NIPBL: variants seen among roughly 807,000 people sequenced by gnomAD.
The protein encoded by NIPBL is nipped-B-like protein.
Under a neutral mutation model 321.8 loss-of-function variants are expected in NIPBL, and 19 were observed. That is an observed-to-expected ratio of 0.06 (90% CI 0.04 to 0.09). The LOEUF (loss-of-function observed/expected upper bound fraction) is 0.09, where lower values mean the gene tolerates loss of function less well. Ranked by LOEUF, NIPBL falls within the 10% of genes least tolerant of loss-of-function variation. The pLI is 1.00. For missense variants in NIPBL, 2,210 were observed against 3,327.0 expected (o/e 0.66, Z 8.26); for synonymous variants, 1,106 against 1,114.1 (o/e 0.99, Z 0.14).
intron 1 of NIPBL, among the ~76,000 whole-genome samples, chr5:36,883,558 A>AATAC (rs66497943): frequency 3.0e-5 from 1 of 32,852 alleles, no homozygotes; most frequent in African/African-American, 7.0e-4. Context: ...CTAAAACACT[A>AATAC]ATTATTAAAT....
rs1386439288 is a variant in NIPBL at position 37,000,477 on chromosome 5, GGAA to G, written c.3414_3416del (p.Arg1139del). 1 of 1,613,340 alleles carries G rather than the reference GGAA, an allele frequency of 6.2e-7. No homozygotes were observed. Among genetic ancestry groups the G allele is most frequent in the African/African-American group, 1.3e-5 (1 of 74,880 alleles). On this transcript the variant is annotated inframe_deletion, in exon 12 of 47. Transcript: ENST00000282516. Reference sequence around the variant, plus strand: ...TAGGAGAAGTGGCCACTCTCATGAAGGAAGAAGGAGTTCAGGTGGTGGTCGTTA... The same window carrying G: ...TAGGAGAAGTGGCCACTCTCATGAAGGAAGGAGTTCAGGTGGTGGTCGTTA...
intron 14 of NIPBL, among the ~76,000 whole-genome samples, chr5:37,001,676 G>T: frequency 6.6e-6 from 1 of 151,952 alleles, no homozygotes; most frequent in East Asian, 1.9e-4. Context: ...CCAAACACCT[G>T]GCTTTAGGGA....
In NIPBL at chr5:36,986,308, A is replaced by C; in HGVS notation, c.3121+7A>C. 6.8e-7 allele frequency: 1 copy of C among 1,476,192 alleles called. No homozygotes were observed. Among genetic ancestry groups the C allele is most frequent in the South Asian group, 1.4e-5 (1 of 70,454 alleles). 91.4% of individuals were successfully genotyped at this position (1,476,192 alleles called of 1,614,324 possible). A position where few individuals can be genotyped will look rare whatever the true frequency, so the allele number is the denominator to read the frequency against. On this transcript the variant is annotated splice_region_variant and intron_variant, in intron 10 of 46. Transcript: ENST00000282516. ...CCATCAAAGTCAAATAAAGGTAAGA[A>C]TACTTCTACTGATGTCATTTATAAT...
chr5:36,985,207 A>G lies in NIPBL; in HGVS notation c.2027A>G (p.Asn676Ser), dbSNP rs1392351504. 2 of 1,613,948 alleles carry G rather than the reference A, an allele frequency of 1.2e-6. No individual in the cohort carries two copies. Among genetic ancestry groups the G allele is most frequent in the African/African-American group, 1.3e-5 (1 of 75,036 alleles). ...STIVEPKQNE[N>S]RLSDTKPNDN... ...ATAGTTGAGCCTAAACAAAATGAAA[A>G]TAGACTGTCTGACACAAAACCAAAT... Residue 676 changes from asparagine (N) to serine (S), a missense_variant, in exon 10 of 47, where the codon AAT (asparagine) becomes AGT (serine). Asn to Ser is a conservative substitution (Grantham distance 46, BLOSUM62 1). Around this residue, in one of 14 missense-constraint regions of NIPBL, gnomAD observed 588 missense variants for 564.1 expected, o/e 1.04. Transcript: ENST00000282516.
intron 40 of NIPBL, chr5:37,051,154 G>A (rs1023580565): frequency 1.4e-4 from 22 of 152,466 alleles, no homozygotes; most frequent in African/African-American, 5.1e-4. Flanking sequence ...CCTGATTCGA[G>A]ATTTAACATG....
At chr5:36,918,481 T>A (rs2149554601) in intron 1 of NIPBL, among the ~76,000 whole-genome samples, 1 of 152,260 alleles carries the variant, frequency 6.6e-6, no homozygotes, top group South Asian at 2.1e-4. Context: ...CAGGGACAAT[T>A]TGACTTCCTC....
rs965707243 is a variant in NIPBL at position 36,984,572 on chromosome 5, T to C, written c.1496-104T>C. Reference sequence around the variant, plus strand: ...ATATTTGCATTTGCATTTTACTCCATTTTAAAAACATAACCTTAAAAAGAT... The same window carrying C: ...ATATTTGCATTTGCATTTTACTCCACTTTAAAAACATAACCTTAAAAAGAT... On this transcript the variant is annotated intron_variant, in intron 9 of 46. Coordinates refer to ENST00000282516, the MANE Select transcript of NIPBL (RefSeq NM_133433.4). 4 of 1,051,868 alleles carry C rather than the reference T, an allele frequency of 3.8e-6. No individual in the cohort carries two copies. The African/African-American group carries it at 6.5e-5, about 17-fold the overall frequency. 65.2% of individuals were successfully genotyped at this position (1,051,868 alleles called of 1,614,324 possible).
intron 1 of NIPBL, among the ~76,000 whole-genome samples, chr5:36,935,210 T>C (rs894064659): frequency 3.3e-5 from 5 of 152,240 alleles, no homozygotes; most frequent in South Asian, 2.1e-4. Context: ...TACCCAGCAA[T>C]TGTACCACAC....
intron 1 of NIPBL, among the ~76,000 whole-genome samples, chr5:36,949,857 T>C (rs549080978): frequency 6.6e-6 from 1 of 152,086 alleles, no homozygotes; most frequent in Admixed American, 6.5e-5. Context: ...TAAATTTTGT[T>C]GTGAAATTAA....
chr5:36,916,623 T>G (rs1418328752), intron 1 of NIPBL, among the ~76,000 whole-genome samples: 1 of 152,112 alleles, frequency 6.6e-6, no homozygotes, highest in Non-Finnish European at 1.5e-5. Context: ...TTACATTAGG[T>G]ATATCTCCTA....
chr5:36,962,020 TATATAAAC>T, intron 5 of NIPBL, 95 bp from the exon 6 acceptor site: 6 of 1,267,106 alleles, frequency 4.7e-6, no homozygotes, highest in Non-Finnish European at 5.7e-6. Flanking sequence ...AGATTTTACA[TATATAAAC>T]TAAGAGATCA....
chr5:37,023,308 A>C (rs1378836131), intron 29 of NIPBL, among the ~76,000 whole-genome samples: 1 of 152,212 alleles, frequency 6.6e-6, no homozygotes, highest in Non-Finnish European at 1.5e-5. Context: ...TAACCCTAGT[A>C]AAATATCCTA....
chr5:36,953,240 T>C (rs1320393008), intron 1 of NIPBL, among the ~76,000 whole-genome samples: 2 of 152,200 alleles, frequency 1.3e-5, no homozygotes, highest in African/African-American at 2.4e-5. Context: ...GGAAATGAAT[T>C]GCAGTGCTTG....
In NIPBL at chr5:37,064,876, A is replaced by G. The variant is rs1489344626; in HGVS notation, c.8399A>G (p.Asp2800Gly). The stretch of plus-strand genomic sequence containing the variant: ...TTACGATCCCTGTATGCCGCCAAGG[A>G]TGGGACTTCCAGCTAATGAATTTGT... Reference protein sequence around the residue: ...QTLRSLYAAKDGTSS With the variant: ...QTLRSLYAAKGGTSS Residue 2800 changes from aspartate (D) to glycine (G), a missense_variant, in exon 47 of 47, where the codon GAT becomes GGT. Around this residue, in one of 14 missense-constraint regions of NIPBL, gnomAD observed 159 missense variants for 319.2 expected, o/e 0.50. Transcript: ENST00000282516. The G allele has an allele frequency of 6.2e-7, 1 of 1,614,072 alleles. No individual in the cohort carries two copies. The highest frequency in any genetic ancestry group is 8.5e-7 in the Non-Finnish European group (1 of 1,180,026).
chr5:37,005,733 C>G (rs1747352116), intron 16 of NIPBL, among the ~76,000 whole-genome samples: 1 of 152,084 alleles, frequency 6.6e-6, no homozygotes, highest in South Asian at 2.1e-4. Context: ...AGGATTTTTA[C>G]TTTAACAGTG....
chr5:37,014,634 T>C (rs1198247300), intron 21 of NIPBL, 49 bp from the exon 22 acceptor site: 2 of 1,101,062 alleles, frequency 1.8e-6, no homozygotes, highest in Non-Finnish European at 2.8e-6. Context: ...GCAACAGGGC[T>C]AACTTATTAT....
At chr5:36,992,798 A>C (rs1416575905) in intron 10 of NIPBL, among the ~76,000 whole-genome samples, 2 of 151,548 alleles carry the variant, frequency 1.3e-5, no homozygotes, top group Admixed American at 6.6e-5. Flanking sequence ...GCTGGAGTGC[A>C]GTGGCGTGAT....
chr5:37,047,879 G>A (rs568882579), intron 38 of NIPBL, among the ~76,000 whole-genome samples: 85 of 152,116 alleles, frequency 5.6e-4, no homozygotes, highest in African/African-American at 2.0e-3. Context: ...TTATTAACCC[G>A]TGGTTATAGG....
intron 1 of NIPBL, among the ~76,000 whole-genome samples, chr5:36,894,137 T>G (rs529678397): frequency 6.6e-6 from 1 of 152,292 alleles, no homozygotes; most frequent in African/African-American, 2.4e-5. Context: ...TGATGGAAAA[T>G]ATATCCTTCT....
Sources: gnomAD v4.1 joint callset for allele counts (sites outside exome capture counted in the v4.1 genomes callset) on GRCh38, gnomAD v4.1.1 for gene constraint, gnomAD v4.1.1 regional missense constraint, MANE v1.5 for transcripts, NCBI Gene and HGNC (gene_info 2026-07-23, HGNC 2026-07-21) for gene names.